The following TMEM132D variants were observed in gnomAD, a reference collection of about 807,000 sequenced individuals.
TMEM132D encodes the protein mature OL transmembrane protein.
TMEM132D carries 21 observed loss-of-function variants against 62.3 expected under a neutral mutation model. The ratio of observed to expected loss-of-function variants is 0.34; its 90% CI spans 0.24 to 0.49. The LOEUF is 0.49. TMEM132D is among the 20% of genes least tolerant of loss of function. TMEM132D has a pLI of 0.99. For synonymous variants in TMEM132D, 621 were observed against 575.6 expected, an observed-to-expected ratio of 1.08 and a Z score of -1.13; for missense variants, 1,346 against 1,402.8, an observed-to-expected ratio of 0.96 and a Z score of 0.65.
intron 1 of TMEM132D, among the ~76,000 whole-genome samples, chr12:129,760,203 A>T (rs1870306950): frequency 6.6e-6 from 1 of 151,884 alleles, no homozygotes; most frequent in Admixed American, 6.6e-5. Flanking sequence ...CACTGTGCCC[A>T]GCCCATCTCC....
chr12:129,561,475 A>C (rs934820160), intron 2 of TMEM132D, among the ~76,000 whole-genome samples: 2 of 152,220 alleles, frequency 1.3e-5, no homozygotes, highest in Non-Finnish European at 2.9e-5. Flanking sequence ...TTCATGTCAC[A>C]CTAATAGTTT....
chr12:129,519,761 ACCATGC>A (rs1163930945), intron 3 of TMEM132D, among the ~76,000 whole-genome samples: 1 of 151,998 alleles, frequency 6.6e-6, no homozygotes, highest in Non-Finnish European at 1.5e-5. Flanking sequence ...GGTGCCCACC[ACCATGC>A]CCAGCTACTT....
chr12:129,176,123 C>T (rs1321260918), intron 5 of TMEM132D, among the ~76,000 whole-genome samples: 3 of 152,214 alleles, frequency 2.0e-5, no homozygotes, highest in Non-Finnish European at 4.4e-5. Context: ...TCTTCAAATG[C>T]ACATGCAGAG....
At chr12:129,302,670 T>G (rs1881750562) in intron 4 of TMEM132D, among the ~76,000 whole-genome samples, 1 of 152,204 alleles carries the variant, frequency 6.6e-6, no homozygotes, top group Non-Finnish European at 1.5e-5. Context: ...CACTGGAGCG[T>G]ATTTTTCTCA....
chr12:129,347,898 A>T (rs1436846326), intron 3 of TMEM132D, among the ~76,000 whole-genome samples: 2 of 152,240 alleles, frequency 1.3e-5, no homozygotes, highest in Non-Finnish European at 2.9e-5. Context: ...TGGGCAAAGG[A>T]TATGAAGAGA....
At chr12:129,798,410 C>A (rs928049715) in intron 1 of TMEM132D, among the ~76,000 whole-genome samples, 12 of 152,132 alleles carry the variant, frequency 7.9e-5, no homozygotes, top group Non-Finnish European at 1.6e-4. Context: ...AACTGCTTTT[C>A]AATTCTGTAA....
intron 4 of TMEM132D, among the ~76,000 whole-genome samples, chr12:129,316,635 G>A (rs1226056405): frequency 6.6e-6 from 1 of 152,076 alleles, no homozygotes; most frequent in Admixed American, 6.5e-5. Context: ...TGTTGGGTGA[G>A]ATGTTCTGTA....
At chr12:129,438,902 C>T (rs1176037680) in intron 3 of TMEM132D, among the ~76,000 whole-genome samples, 1 of 152,164 alleles carries the variant, frequency 6.6e-6, no homozygotes, top group Non-Finnish European at 1.5e-5. Context: ...TAAATCTATT[C>T]ATCAGTTCCA....
chr12:129,637,708 C>T (rs1273843085), intron 2 of TMEM132D, among the ~76,000 whole-genome samples: 2 of 152,120 alleles, frequency 1.3e-5, no homozygotes, highest in African/African-American at 4.8e-5. Context: ...GTACAGGAAG[C>T]ATGATGCTGG....
intron 3 of TMEM132D, among the ~76,000 whole-genome samples, chr12:129,355,372 C>T (rs1177689178): frequency 2.2e-4 from 34 of 151,616 alleles, no homozygotes; most frequent in South Asian, 2.1e-4. Context: ...ACTCTGCAAC[C>T]GCCTACGTGG....
At chr12:129,347,364 G>A (rs1189020426) in intron 3 of TMEM132D, among the ~76,000 whole-genome samples, 1 of 152,010 alleles carries the variant, frequency 6.6e-6, no homozygotes, top group Non-Finnish European at 1.5e-5. Flanking sequence ...AACAGATATA[G>A]AGACCAATGG....
chr12:129,603,611 A>G (rs1020049896), intron 2 of TMEM132D, among the ~76,000 whole-genome samples: 15 of 152,242 alleles, frequency 9.9e-5, no homozygotes, highest in Non-Finnish European at 8.8e-5. Flanking sequence ...AATCAAAACC[A>G]CAATGAGATA....
chr12:129,623,748 C>T (rs972805997), intron 2 of TMEM132D, among the ~76,000 whole-genome samples: 1 of 146,904 alleles, frequency 6.8e-6, no homozygotes, highest in South Asian at 2.1e-4. Flanking sequence ...TATATATACA[C>T]ATATATATAC....
At chr12:129,800,733 A>C (rs1871743856) in intron 1 of TMEM132D, among the ~76,000 whole-genome samples, 1 of 152,104 alleles carries the variant, frequency 6.6e-6, no homozygotes, top group African/African-American at 2.4e-5. Context: ...GAATAGGAAC[A>C]GCTCCGGTCT....
intron 4 of TMEM132D, among the ~76,000 whole-genome samples, chr12:129,237,999 A>G (rs1386836970): frequency 1.3e-5 from 2 of 152,140 alleles, no homozygotes; most frequent in African/African-American, 4.8e-5. Context: ...TTTAGCAGGG[A>G]AAGATGATGG....
At chr12:129,675,566 G>A (rs1880607647) in intron 2 of TMEM132D, among the ~76,000 whole-genome samples, 2 of 152,170 alleles carry the variant, frequency 1.3e-5, no homozygotes, top group Middle Eastern at 3.2e-3. Flanking sequence ...TATCGTGTAT[G>A]TTACAAAAGG....
chr12:129,606,860 C>T (rs940666226), intron 2 of TMEM132D, among the ~76,000 whole-genome samples: 1 of 152,166 alleles, frequency 6.6e-6, no homozygotes, highest in Non-Finnish European at 1.5e-5. Flanking sequence ...TATGATGTAA[C>T]TCTCAAAATG....
Position 129,189,236 on chromosome 12 carries a change from C to T in TMEM132D, c.1443+20284G>A, listed in dbSNP as rs1318561807. Among the ~76,000 whole-genome samples the T allele has an allele frequency of 3.3e-5, 5 of 152,256 alleles. No homozygotes were observed. In the South Asian group the frequency reaches 8.3e-4, roughly 25 times the overall value. On this transcript the variant is annotated intron_variant, in intron 5 of 8. Transcript: ENST00000422113. ...GCCTTTGGAGGTAGCTAAACCACCA[C>T]CCTTCAGCCTCAGGGACAGGGGACC...
At chr12:129,337,532 G>T in intron 4 of TMEM132D, 102 bp downstream of exon 4, 2 of 1,400,720 alleles carry the variant, frequency 1.4e-6, no homozygotes, top group South Asian at 1.3e-5. Context: ...CCTGATTCTT[G>T]GCTCCTCCCC....
Sources: allele counts gnomAD v4.1 joint callset (sites outside exome capture counted in the v4.1 genomes callset), GRCh38; gene constraint gnomAD v4.1.1; transcripts MANE v1.5; gene names NCBI Gene and HGNC (gene_info 2026-07-23, HGNC 2026-07-21).